Variants in SCFD1 observed in about 807,000 individuals in gnomAD.
The protein encoded by SCFD1 is sec1 family domain containing 1, also known as sec1 family domain-containing protein 1.
In SCFD1, 37 loss-of-function variants were observed where a neutral mutation model predicts 103.2. The ratio of observed to expected loss-of-function variants is 0.36; its 90% confidence interval spans 0.28 to 0.47. The LOEUF is 0.47. Ranked by LOEUF, SCFD1 falls within the 20% of genes least tolerant of loss-of-function variation. The pLI, the probability that SCFD1 is intolerant of heterozygous loss-of-function variation, is 1.00. For missense variants in SCFD1, 639 were observed against 761.2 expected (o/e 0.84, Z 1.89); for synonymous variants, 264 against 245.0 (o/e 1.08, Z -0.73).
intron 20 of SCFD1, among the ~76,000 whole-genome samples, chr14:30,719,090 A>G (rs1892475656): frequency 6.6e-6 from 1 of 152,182 alleles, no homozygotes; most frequent in East Asian, 1.9e-4. Flanking sequence ...CAGACTGTCA[A>G]TCTGAAAAAT....
At chr14:30,622,952 T>G (rs972314681) in intron 1 of SCFD1, among the ~76,000 whole-genome samples, 2 of 152,240 alleles carry the variant, frequency 1.3e-5, no homozygotes, top group African/African-American at 4.8e-5. Context: ...AATTAATAGC[T>G]TTCTCATTTT....
chr14:30,659,294 A>C (rs1313882703), intron 10 of SCFD1, among the ~76,000 whole-genome samples: 1 of 151,746 alleles, frequency 6.6e-6, no homozygotes, highest in Non-Finnish European at 1.5e-5. Context: ...TTTGCATTTC[A>C]ACATAATATA....
Position 30,705,356 on chromosome 14 carries a change from A to G in SCFD1, c.1491-467A>G, listed in dbSNP as rs1283780217. ...GAATGTAGGAAACAATAAAAAGACT[A>G]AATTATTACATGGTTGTTCTTTTAA... On this transcript the variant is annotated intron_variant, in intron 17 of 24. Coordinates refer to ENST00000458591, the MANE Select transcript of SCFD1 (RefSeq NM_016106.4). Among the ~76,000 whole-genome samples the G allele has an allele frequency of 2.6e-5, 4 of 152,256 alleles. No individual in the cohort carries two copies. In the South Asian group the frequency reaches 6.2e-4, roughly 24 times the overall value.
intron 20 of SCFD1, among the ~76,000 whole-genome samples, chr14:30,717,895 A>G (rs1028828951): frequency 6.0e-5 from 8 of 134,426 alleles, no homozygotes; most frequent in African/African-American, 1.8e-4. Context: ...AAAAAAAGAA[A>G]AAAAAAAAAA....
intron 14 of SCFD1, among the ~76,000 whole-genome samples, chr14:30,681,994 T>G (rs894887475): frequency 3.9e-5 from 6 of 152,196 alleles, no homozygotes; most frequent in Non-Finnish European, 7.4e-5. Context: ...ACTAATAGAA[T>G]TTTTATTATC....
chr14:30,696,304 C>T (rs1890695234), intron 15 of SCFD1, among the ~76,000 whole-genome samples: 1 of 152,120 alleles, frequency 6.6e-6, no homozygotes, highest in African/African-American at 2.4e-5. Flanking sequence ...AAGGTATATG[C>T]ATTTTACAGT....
chr14:30,673,904 A>G lies in SCFD1; in HGVS notation c.1087-20A>G. 6.3e-7 allele frequency: 1 copy of G among 1,585,408 alleles called. No homozygotes were observed. The highest frequency in any genetic ancestry group is 8.7e-7 in the Non-Finnish European group (1 of 1,154,004). On this transcript the variant is annotated intron_variant, in intron 12 of 24. Transcript: ENST00000458591. The stretch of plus-strand genomic sequence containing the variant: ...GCCTGGGATTTTTGAGTAGCTATTG[A>G]GACCTTTTTTCTTTACAAGGGACTA...
intron 1 of SCFD1, among the ~76,000 whole-genome samples, chr14:30,624,398 G>A (rs1883175260): frequency 6.6e-6 from 1 of 152,132 alleles, no homozygotes; most frequent in African/African-American, 2.4e-5. Context: ...TAGTCTGGCC[G>A]TCCCATCTGA....
chr14:30,727,039 C>T (rs576949714), intron 23 of SCFD1, among the ~76,000 whole-genome samples: 29 of 152,180 alleles, frequency 1.9e-4, no homozygotes, highest in Middle Eastern at 3.4e-3. Context: ...TTCAGTTCCC[C>T]GAGACAGTGT....
intron 20 of SCFD1, among the ~76,000 whole-genome samples, chr14:30,717,509 T>C (rs1262885270): frequency 6.6e-6 from 1 of 151,878 alleles, no homozygotes; most frequent in Non-Finnish European, 1.5e-5. Flanking sequence ...GTGATATTTG[T>C]TACTGTCCCT....
intron 10 of SCFD1, among the ~76,000 whole-genome samples, chr14:30,661,268 G>A (rs917804070): frequency 1.4e-4 from 21 of 152,028 alleles, no homozygotes; most frequent in African/African-American, 4.6e-4. Flanking sequence ...CTCGAGTTTC[G>A]TTTGAGAGAC....
At chr14:30,638,367 C>A in intron 5 of SCFD1, 120 bp downstream of exon 5, 1 of 1,377,244 alleles carries the variant, frequency 7.3e-7, no homozygotes, top group Non-Finnish European at 9.8e-7. Flanking sequence ...ATTGTTTAGG[C>A]TCAATACTTT....
In SCFD1 at chr14:30,646,386, T is replaced by A. The variant is rs191845413; in HGVS notation, c.613+2981T>A. On this transcript the variant is annotated intron_variant, in intron 7 of 24. Coordinates refer to ENST00000458591, the MANE Select transcript of SCFD1 (RefSeq NM_016106.4). ...GCCTTTTCTGTGTCTGTTGAGATGA[T>A]CATATGGTTTTTGTTTTTAGTTCTT... is the stretch of plus-strand genomic sequence containing the variant. 1.7e-4 allele frequency among the ~76,000 whole-genome samples: 25 copies of A among 150,092 alleles called. 1 individual carries two copies. In the South Asian group the frequency reaches 3.1e-3, roughly 19 times the overall value.
chr14:30,714,700 T>C (rs1287084892), intron 19 of SCFD1, among the ~76,000 whole-genome samples: 2 of 152,208 alleles, frequency 1.3e-5, no homozygotes. Flanking sequence ...TAATGTGTTA[T>C]TTATAGATTT....
Position 30,707,978 on chromosome 14 carries a change from G to T in SCFD1, c.1554-12G>T, listed in dbSNP as rs958211729. Reference sequence around the variant, plus strand: ...GTACTTAGAATGGTCCTTCTCTTTTGCCCCTACCTAGTCTTTTATCACGAG... The same window carrying T: ...GTACTTAGAATGGTCCTTCTCTTTTTCCCCTACCTAGTCTTTTATCACGAG... On this transcript the variant is annotated splice_polypyrimidine_tract_variant and intron_variant, in intron 18 of 24. Coordinates refer to ENST00000458591, the MANE Select transcript of SCFD1 (RefSeq NM_016106.4). 6.3e-7 allele frequency: 1 copy of T among 1,596,176 alleles called. No homozygotes were observed. Among genetic ancestry groups the T allele is most frequent in the African/African-American group, 1.3e-5 (1 of 74,632 alleles).
At chr14:30,665,865 T>C (rs1161509133) in intron 10 of SCFD1, among the ~76,000 whole-genome samples, 1 of 152,006 alleles carries the variant, frequency 6.6e-6, no homozygotes, top group African/African-American at 2.4e-5. Context: ...TATATGCACC[T>C]AATACAGGAG....
At chr14:30,626,631 G>A (rs138092596) in intron 1 of SCFD1, among the ~76,000 whole-genome samples, 1 of 152,198 alleles carries the variant, frequency 6.6e-6, no homozygotes, top group East Asian at 1.9e-4. Context: ...CCTGCCCAGC[G>A]CATTGCCACT....
At chr14:30,658,008 T>G (rs1447609456) in intron 10 of SCFD1, 1 of 440,352 alleles carries the variant, frequency 2.3e-6, no homozygotes, top group Non-Finnish European at 4.5e-6. Context: ...AGTGCCCATC[T>G]CCTTTTATTG....
intron 10 of SCFD1, among the ~76,000 whole-genome samples, chr14:30,655,241 G>A (rs1317273860): frequency 6.6e-6 from 1 of 152,152 alleles, no homozygotes; most frequent in African/African-American, 2.4e-5. Context: ...AGGAGGTAAG[G>A]TAGTGAATTA....
Sources: gnomAD v4.1 joint callset for allele counts (sites outside exome capture counted in the v4.1 genomes callset) on GRCh38, gnomAD v4.1.1 for gene constraint, MANE v1.5 for transcripts, NCBI Gene and HGNC (gene_info 2026-07-23, HGNC 2026-07-21) for gene names.